Variants in MAD1L1 observed in about 807,000 individuals in gnomAD.
MAD1L1 encodes mitotic arrest deficient 1 like 1, also known as mitotic spindle assembly checkpoint protein MAD1.
In MAD1L1, 95 loss-of-function variants were observed where a neutral mutation model predicts 96.9. The ratio of observed to expected loss-of-function variants is 0.98; its 90% CI spans 0.83 to 1.16. The LOEUF (loss-of-function observed/expected upper bound fraction) is 1.16. Among genes scored for constraint, MAD1L1 ranks in the 50% most tolerant of loss-of-function variants. The pLI is 0.00. For synonymous variants in MAD1L1, 473 were observed against 396.6 expected (o/e 1.19, Z -2.29); for missense variants, 1,007 against 954.4 (o/e 1.06, Z -0.73).
chr7:1,817,895 C>T (rs992216156), intron 18 of MAD1L1, among the ~76,000 whole-genome samples: 2 of 151,980 alleles, frequency 1.3e-5, no homozygotes, highest in African/African-American at 4.8e-5. Flanking sequence ...CCTCCCCTCA[C>T]CACCTTTGGA....
Position 1,819,454 on chromosome 7 carries a change from GCTGGC to G in MAD1L1, c.1999-3231_1999-3227del, listed in dbSNP as rs1267321866. 4.6e-5 allele frequency among the ~76,000 whole-genome samples: 7 copies of G among 152,258 alleles called. No homozygotes were observed. In the East Asian group the frequency reaches 1.4e-3, roughly 29 times the overall value. The stretch of plus-strand genomic sequence containing the variant: ...CCACTGCACTCTAGTCCAGACCCTC[GCTGGC>G]CTGGCCTGGGGCTCACCTGCCCCTC... On this transcript the variant is annotated intron_variant, in intron 18 of 18. Transcript: ENST00000265854.
At chr7:2,070,535 C>A (rs891334250) in intron 11 of MAD1L1, among the ~76,000 whole-genome samples, 1 of 149,024 alleles carries the variant, frequency 6.7e-6, no homozygotes, top group Admixed American at 6.7e-5. Context: ...GAGGCCACAC[C>A]GGGGAGGGTG....
intron 10 of MAD1L1, among the ~76,000 whole-genome samples, chr7:2,199,623 C>T (rs1413442487): frequency 1.3e-5 from 2 of 152,286 alleles, no homozygotes; most frequent in African/African-American, 2.4e-5. Context: ...CCCCGCAGTG[C>T]CCCGCCTGGC....
intron 10 of MAD1L1, among the ~76,000 whole-genome samples, chr7:2,157,208 A>G (rs1166050942): frequency 6.6e-6 from 1 of 152,226 alleles, no homozygotes; most frequent in Non-Finnish European, 1.5e-5. Flanking sequence ...ACAATATTTT[A>G]AGAATAGAAA....
chr7:2,060,304 TCCCGAGATACGCC>T lies in MAD1L1; in HGVS notation c.1218+8877_1218+8889del, dbSNP rs1288670899. The stretch of plus-strand genomic sequence containing the variant: ...ATACGCCGATCCCGAGATACGCCGA[TCCCGAGATACGCC>T]GATGCTGAGATACGCCAATGCCAAG... On this transcript the variant is annotated intron_variant, in intron 12 of 18. Transcript: ENST00000265854. Among the ~76,000 whole-genome samples, 57 of 148,604 alleles carry T rather than the reference TCCCGAGATACGCC, an allele frequency of 3.8e-4. 1 individual carries two copies. In the South Asian group the frequency reaches 0.012, roughly 32 times the overall value.
intron 12 of MAD1L1, among the ~76,000 whole-genome samples, chr7:2,019,433 A>T (rs1420883641): frequency 2.0e-5 from 3 of 152,206 alleles, no homozygotes; most frequent in African/African-American, 7.2e-5. Context: ...CCTGCGCTCC[A>T]ATCTGACACA....
chr7:2,049,262 C>G (rs1312660269), intron 12 of MAD1L1, among the ~76,000 whole-genome samples: 1 of 152,142 alleles, frequency 6.6e-6, no homozygotes, highest in African/African-American at 2.4e-5. Context: ...TTTCTGATTC[C>G]AGCTCCTAGG....
chr7:1,949,456 C>T (rs944338135), intron 16 of MAD1L1, among the ~76,000 whole-genome samples: 22 of 152,198 alleles, frequency 1.4e-4, no homozygotes, highest in Admixed American at 9.2e-4. Context: ...TCCTTGAGAA[C>T]CGAGGGGCAT....
intron 17 of MAD1L1, among the ~76,000 whole-genome samples, chr7:1,909,288 G>T (rs1001410114): frequency 1.3e-5 from 2 of 152,326 alleles, no homozygotes; most frequent in Middle Eastern, 6.8e-3. Flanking sequence ...AGTACTCTGG[G>T]CCCTGGCAGG....
At chr7:2,007,311 G>A (rs989602766) in intron 13 of MAD1L1, among the ~76,000 whole-genome samples, 10 of 152,242 alleles carry the variant, frequency 6.6e-5, no homozygotes, top group African/African-American at 1.7e-4. Flanking sequence ...CTCTGGTGCC[G>A]ACAGCCTGTG....
At chr7:2,125,284 G>T (rs1438732157) in intron 11 of MAD1L1, among the ~76,000 whole-genome samples, 1 of 152,146 alleles carries the variant, frequency 6.6e-6, no homozygotes, top group Non-Finnish European at 1.5e-5. Flanking sequence ...CAAGGTGGGT[G>T]GGGGTGGTGC....
At chr7:1,943,740 C>A (rs1032695811) in intron 16 of MAD1L1, among the ~76,000 whole-genome samples, 2 of 151,992 alleles carry the variant, frequency 1.3e-5, no homozygotes, top group East Asian at 1.9e-4. Flanking sequence ...GGCAGACCCC[C>A]GAGAGAACTG....
At chr7:1,886,083 G>A (rs965275982) in intron 18 of MAD1L1, among the ~76,000 whole-genome samples, 4 of 152,226 alleles carry the variant, frequency 2.6e-5, no homozygotes, top group Admixed American at 1.3e-4. Flanking sequence ...CCAGCAACCT[G>A]CAGAGACCCG....
At chr7:1,883,900 A>G (rs1264234478) in intron 18 of MAD1L1, among the ~76,000 whole-genome samples, 7 of 152,162 alleles carry the variant, frequency 4.6e-5, no homozygotes, top group Non-Finnish European at 8.8e-5. Context: ...ACCCTGACAC[A>G]CGGTCAGGCC....
At position 2,018,488 on chromosome 7, in the gene MAD1L1, G is replaced by A. The variant is rs375128959; in HGVS notation, c.1219-3846C>T. Among the ~76,000 whole-genome samples, 72 of 152,310 alleles carry A rather than the reference G, an allele frequency of 4.7e-4. 1 individual carries two copies. In the East Asian group the frequency reaches 0.013, roughly 27 times the overall value. ...CAGGTGGGGCAGGCGCGTCCCGCAC[G>A]ATGGGGACAGCCTCTGGCCATGGCC... is the stretch of plus-strand genomic sequence containing the variant. On this transcript the variant is annotated intron_variant, in intron 12 of 18. Coordinates refer to ENST00000265854, the MANE Select transcript of MAD1L1 (RefSeq NM_001013836.2).
At chr7:1,894,525 C>A (rs975464719) in intron 18 of MAD1L1, among the ~76,000 whole-genome samples, 1 of 152,214 alleles carries the variant, frequency 6.6e-6, no homozygotes, top group Non-Finnish European at 1.5e-5. Flanking sequence ...CTTGCAGCCT[C>A]CGAAGTGAGC....
chr7:2,124,760 C>T (rs774915801), intron 11 of MAD1L1, among the ~76,000 whole-genome samples: 4 of 152,298 alleles, frequency 2.6e-5, no homozygotes, highest in Admixed American at 6.5e-5. Flanking sequence ...CCTGGGTGCC[C>T]GGCGCTTGTG....
intron 10 of MAD1L1, among the ~76,000 whole-genome samples, chr7:2,188,697 G>C (rs1203694857): frequency 6.6e-6 from 1 of 151,904 alleles, no homozygotes; most frequent in South Asian, 2.1e-4. Context: ...ACAAATCAAA[G>C]ACCTAAATGT....
chr7:1,919,578 C>G (rs945379320), intron 17 of MAD1L1, among the ~76,000 whole-genome samples: 2 of 152,262 alleles, frequency 1.3e-5, no homozygotes, highest in African/African-American at 4.8e-5. Context: ...TGCACGGGCC[C>G]AGAGGCCAAT....
Sources: allele counts gnomAD v4.1 joint callset (sites outside exome capture counted in the v4.1 genomes callset), GRCh38; gene constraint gnomAD v4.1.1; transcripts MANE v1.5; gene names NCBI Gene and HGNC (gene_info 2026-07-23, HGNC 2026-07-21).